ARHGAP32: variants seen among roughly 807,000 people sequenced by gnomAD.
ARHGAP32 encodes Rho GTPase activating protein 32, also known as rho GTPase-activating protein 32.
ARHGAP32 carries 51 observed loss-of-function variants against 186.5 expected under a neutral mutation model. The ratio of observed to expected loss-of-function variants is 0.27; its 90% CI spans 0.22 to 0.35. The LOEUF (loss-of-function observed/expected upper bound fraction) is 0.35, where lower values mean the gene tolerates loss of function less well. Ranked by LOEUF, ARHGAP32 falls within the 10% of genes least tolerant of loss-of-function variation. ARHGAP32 has a pLI of 1.00. For missense variants in ARHGAP32, 2,186 were observed against 2,623.5 expected, an observed-to-expected ratio of 0.83 and a Z score of 3.64; for synonymous variants, 950 against 964.3, an observed-to-expected ratio of 0.99 and a Z score of 0.27.
chr11:129,248,375 G>C (rs888430418), intron 1 of ARHGAP32, among the ~76,000 whole-genome samples: 24 of 152,116 alleles, frequency 1.6e-4, no homozygotes, highest in African/African-American at 5.8e-4. Context: ...ATGCGATGCA[G>C]TGTTTTTATT....
At chr11:129,078,494 T>G (rs1941116415) in intron 6 of ARHGAP32, among the ~76,000 whole-genome samples, 1 of 152,122 alleles carries the variant, frequency 6.6e-6, no homozygotes, top group Non-Finnish European at 1.5e-5. Flanking sequence ...GAAGGCTAAT[T>G]ATTTATTAAT....
chr11:128,968,807 G>A lies in ARHGAP32; in HGVS notation c.*100C>T. Reference sequence around the variant, plus strand: ...ATTATCATTTTTTAAATGTGGTCAGGGGTTTTATAGTATTTTTTGTTTAAT... The same window carrying A: ...ATTATCATTTTTTAAATGTGGTCAGAGGTTTTATAGTATTTTTTGTTTAAT... On this transcript the variant is annotated 3_prime_UTR_variant, in exon 23 of 23. Transcript: ENST00000682385. The A allele has an allele frequency of 3.1e-6, 3 of 959,610 alleles. No individual in the cohort carries two copies. The highest frequency in any genetic ancestry group is 4.2e-6 in the Non-Finnish European group (3 of 712,586). 59.4% of individuals were successfully genotyped at this position (959,610 alleles called of 1,614,324 possible).
chr11:128,967,695 T>C lies in ARHGAP32; in HGVS notation c.*1212A>G, dbSNP rs1308819550. 1 of 152,120 alleles carries C rather than the reference T, an allele frequency of 6.6e-6. No homozygotes were observed. Among genetic ancestry groups the C allele is most frequent in the Non-Finnish European group, 1.5e-5 (1 of 68,032 alleles). 9.4% of individuals were successfully genotyped at this position (152,120 alleles called of 1,614,324 possible). A position where few individuals can be genotyped will look rare whatever the true frequency, so the allele number is the denominator to read the frequency against. On this transcript the variant is annotated 3_prime_UTR_variant, in exon 23 of 23. Transcript: ENST00000682385. ...AGACTGTGACCACACAAGTATAGAG[T>C]AAGCAAACGACAGTAATGCCTTAGG...
At chr11:129,264,215 A>G (rs1945362348) in intron 1 of ARHGAP32, among the ~76,000 whole-genome samples, 1 of 152,232 alleles carries the variant, frequency 6.6e-6, no homozygotes. Flanking sequence ...AACAGAAAGT[A>G]GAATGTGGTT....
intron 1 of ARHGAP32, among the ~76,000 whole-genome samples, chr11:129,237,989 A>G (rs1319950663): frequency 6.6e-6 from 1 of 152,274 alleles, no homozygotes; most frequent in Non-Finnish European, 1.5e-5. Flanking sequence ...CTGAAGACGC[A>G]TTTTGATGGT....
At chr11:129,229,848 G>T (rs894723903) in intron 1 of ARHGAP32, among the ~76,000 whole-genome samples, 3 of 152,008 alleles carry the variant, frequency 2.0e-5, no homozygotes, top group African/African-American at 7.2e-5. Flanking sequence ...GGGAGGCAGG[G>T]TCTCACTCAC....
intron 1 of ARHGAP32, among the ~76,000 whole-genome samples, chr11:129,165,358 C>A (rs1187915715): frequency 6.6e-6 from 1 of 151,584 alleles, no homozygotes; most frequent in African/African-American, 2.4e-5. Flanking sequence ...GATGGAGGAG[C>A]ACTGAAAAAC....
chr11:129,072,645 A>G (rs563561584), intron 6 of ARHGAP32, among the ~76,000 whole-genome samples: 1 of 152,348 alleles, frequency 6.6e-6, no homozygotes, highest in South Asian at 2.1e-4. Flanking sequence ...AACCAGTGCT[A>G]GGGTAGGAAA....
intron 1 of ARHGAP32, among the ~76,000 whole-genome samples, chr11:129,215,678 C>CT (rs1944636328): frequency 6.6e-6 from 1 of 152,166 alleles, no homozygotes; most frequent in African/African-American, 2.4e-5. Flanking sequence ...TCCTGTCTCT[C>CT]TGAGAATCCG....
At chr11:129,226,754 C>T (rs1163373287) in intron 1 of ARHGAP32, among the ~76,000 whole-genome samples, 3 of 152,016 alleles carry the variant, frequency 2.0e-5, no homozygotes, top group Non-Finnish European at 4.4e-5. Flanking sequence ...TATGTTTCTA[C>T]AAGAGACACA....
At chr11:129,224,629 C>A (rs1944755521) in intron 1 of ARHGAP32, among the ~76,000 whole-genome samples, 1 of 152,044 alleles carries the variant, frequency 6.6e-6, no homozygotes, top group Admixed American at 6.6e-5. Flanking sequence ...AGCCAGGAGC[C>A]TGGCAGCCAC....
At chr11:129,246,618 C>A (rs1027868666) in intron 1 of ARHGAP32, among the ~76,000 whole-genome samples, 22 of 152,242 alleles carry the variant, frequency 1.4e-4, no homozygotes, top group Non-Finnish European at 2.9e-4. Context: ...TTAACCTTTA[C>A]GCGACAATCA....
intron 6 of ARHGAP32, among the ~76,000 whole-genome samples, chr11:129,073,155 G>A (rs895239434): frequency 1.3e-5 from 2 of 151,966 alleles, no homozygotes; most frequent in African/African-American, 4.8e-5. Flanking sequence ...ATTACTAACG[G>A]GCTATTTAAC....
intron 6 of ARHGAP32, among the ~76,000 whole-genome samples, chr11:129,076,806 C>T (rs1242500561): frequency 6.6e-6 from 1 of 152,158 alleles, no homozygotes; most frequent in African/African-American, 2.4e-5. Flanking sequence ...TGTGGAGGCT[C>T]ACATCATGAA....
At chr11:129,034,560 C>A (rs1174681278) in intron 11 of ARHGAP32, among the ~76,000 whole-genome samples, 11 of 151,626 alleles carry the variant, frequency 7.3e-5, no homozygotes, top group South Asian at 4.2e-4. Context: ...ATGGGGAATT[C>A]CAGCATAGCA....
rs751450969 is a variant in ARHGAP32, at chr11:129,123,674, A to T, written c.360-144T>A. 6.4e-6 allele frequency: 5 copies of T among 787,150 alleles called. No individual in the cohort carries two copies. The highest frequency in any genetic ancestry group is 1.0e-5 in the Non-Finnish European group (5 of 485,940). 48.8% of individuals were successfully genotyped at this position (787,150 alleles called of 1,614,324 possible). ...GCGCATGAGCCACACATATCCGCACAAATCCTCTTAAAAATACACTGAGTC... is the reference window on the plus strand; with the variant it reads ...GCGCATGAGCCACACATATCCGCACTAATCCTCTTAAAAATACACTGAGTC... On this transcript the variant is annotated intron_variant, in intron 4 of 22. Coordinates refer to ENST00000682385, the MANE Select transcript of ARHGAP32 (RefSeq NM_001378024.1). This position sits in a 1 kb window ranked among gnomAD's most constrained non-coding sequence, Gnocchi z 4.6.
At chr11:129,011,237 TA>T (rs552872608) in intron 11 of ARHGAP32, among the ~76,000 whole-genome samples, 219 of 152,340 alleles carry the variant, frequency 1.4e-3, no homozygotes, top group African/African-American at 4.9e-3. Context: ...GGAAAATATT[TA>T]TACCCATTTT....
intron 1 of ARHGAP32, among the ~76,000 whole-genome samples, chr11:129,221,111 T>C (rs145544913): frequency 5.9e-5 from 9 of 151,908 alleles, no homozygotes; most frequent in African/African-American, 1.9e-4. Flanking sequence ...AAAGAAATAA[T>C]GTCTGGAAGC....
intron 20 of ARHGAP32, among the ~76,000 whole-genome samples, chr11:128,976,078 C>CATATATATATATATAT (rs71472082): frequency 4.1e-5 from 6 of 145,806 alleles, no homozygotes; most frequent in African/African-American, 1.3e-4. Flanking sequence ...CTCTGTCTAA[C>CATATATATATATATAT]ATATATATAT....
Sources: allele counts gnomAD v4.1 joint callset (sites outside exome capture counted in the v4.1 genomes callset), GRCh38; gene constraint gnomAD v4.1.1; non-coding constraint Gnocchi (gnomAD v3.1); transcripts MANE v1.5; gene names NCBI Gene and HGNC (gene_info 2026-07-23, HGNC 2026-07-21).